The following DISP3 variants were observed in gnomAD, a reference collection of about 807,000 sequenced individuals.
The protein encoded by DISP3 is dispatched RND transporter family member 3.
DISP3 carries 101 observed loss-of-function variants against 135.3 expected under a neutral mutation model. The ratio of observed to expected loss-of-function variants is 0.75; its 90% CI spans 0.64 to 0.88. The LOEUF (loss-of-function observed/expected upper bound fraction) is 0.88, where lower values mean the gene tolerates loss of function less well. Ranked by LOEUF, DISP3 falls within the 40% of genes least tolerant of loss-of-function variation. DISP3 has a pLI of 0.00. For missense variants in DISP3, 1,713 were observed against 1,878.6 expected (o/e 0.91, Z 1.63); for synonymous variants, 856 against 817.0 (o/e 1.05, Z -0.81).
chr1:11,488,635 CTCTGTGTGTGTGTGTG>C (rs1459842605), intron 1 of DISP3, among the ~76,000 whole-genome samples: 1 of 83,878 alleles, frequency 1.2e-5, no homozygotes, highest in African/African-American at 4.7e-5. Context: ...AGGGCAGATG[CTCTGTGTGTGTGTGTG>C]TGTGTGTGTG....
intron 3 of DISP3, among the ~76,000 whole-genome samples, chr1:11,511,788 A>G (rs1047666559): frequency 1.3e-5 from 2 of 152,160 alleles, no homozygotes; most frequent in Non-Finnish European, 2.9e-5. Context: ...ATACTCCCCT[A>G]GCAGAGGTTC....
chr1:11,492,442 T>A (rs1257320733), intron 1 of DISP3, among the ~76,000 whole-genome samples: 2 of 152,190 alleles, frequency 1.3e-5, no homozygotes, highest in Admixed American at 6.5e-5. Context: ...CCTCACCAGC[T>A]GTCAGCCCCA....
In DISP3 at chr1:11,520,580, A is replaced by C. The variant is rs768939371; in HGVS notation, c.2201-107A>C. 4.6e-6 allele frequency: 6 copies of C among 1,294,422 alleles called. No individual in the cohort carries two copies. Among genetic ancestry groups the C allele is most frequent in the Non-Finnish European group, 2.1e-6 (2 of 935,580 alleles). 80.2% of individuals were successfully genotyped at this position (1,294,422 alleles called of 1,614,324 possible). A position where few individuals can be genotyped will look rare whatever the true frequency, so the allele number is the denominator to read the frequency against. ...GGGCCTTCCCCCGCACCCTTAGGAC[A>C]CCCGCCCCCCAACAACCAGAGCAGT... On this transcript the variant is annotated intron_variant, in intron 9 of 20. Transcript: ENST00000294484. This position sits in a 1 kb window ranked among gnomAD's most constrained non-coding sequence, Gnocchi z 4.8.
Position 11,531,096 on chromosome 1 carries a change from G to A in DISP3, c.3229+63G>A. 6.2e-7 allele frequency: 1 copy of A among 1,600,758 alleles called. No homozygotes were observed. Among genetic ancestry groups the A allele is most frequent in the East Asian group, 2.2e-5 (1 of 44,796 alleles). On this transcript the variant is annotated intron_variant, in intron 16 of 20. Coordinates refer to ENST00000294484, the MANE Select transcript of DISP3 (RefSeq NM_020780.2). This position sits in a 1 kb window ranked among gnomAD's most constrained non-coding sequence, Gnocchi z 5.2. ...GATGGACTGACTGGGGAGGCACAGA[G>A]GCCGTGGTCCAAGGTAGACAGCCCG...
rs1383955041 is a variant in DISP3, at chr1:11,529,539, C to T, written c.2799-17C>T. On this transcript the variant is annotated splice_polypyrimidine_tract_variant and intron_variant, in intron 13 of 20. Transcript: ENST00000294484. The surrounding 1 kb of genome is among the most constrained non-coding windows in gnomAD (Gnocchi z 4.7). ...CTAGCCTTTCCGGCCTCAGCCCAGC[C>T]TCCATTCCCTCCACAGGAAGCTGTA... is the stretch of plus-strand genomic sequence containing the variant. 6.5e-7 allele frequency: 1 copy of T among 1,542,576 alleles called. No individual in the cohort carries two copies.
intron 3 of DISP3, among the ~76,000 whole-genome samples, chr1:11,503,184 C>T (rs978297892): frequency 6.6e-6 from 1 of 152,094 alleles, no homozygotes; most frequent in Non-Finnish European, 1.5e-5. Flanking sequence ...AGATGGTGCT[C>T]GAGGTCTTTC....
rs754489621 is a variant in DISP3 at position 11,536,635 on chromosome 1, G to A, written c.4128G>A (p.Val1376=). The change falls in exon 21 of 21, where the codon GTG becomes GTA. Residue 1376 remains valine, a synonymous_variant. Coordinates refer to ENST00000294484, the MANE Select transcript of DISP3 (RefSeq NM_020780.2). This position sits in a 1 kb window ranked among gnomAD's most constrained non-coding sequence, Gnocchi z 4.3. ...AGALGLGACL[V]LLQSGYKIPL... ...CCCTGGGGCTGGGTGCCTGCCTCGT[G>A]CTCCTGCAGAGCGGCTATAAGATTC... 4 of 1,603,566 alleles carry A rather than the reference G, an allele frequency of 2.5e-6. No individual in the cohort carries two copies. Among genetic ancestry groups the A allele is most frequent in the Middle Eastern group, 1.6e-4 (1 of 6,072 alleles).
In DISP3 at chr1:11,520,829, C is replaced by A. The variant is rs369463104; in HGVS notation, c.2343C>A (p.Ile781=). Residue 781 remains isoleucine, a synonymous_variant, in exon 10 of 21, where the codon ATC becomes ATA. Coordinates refer to ENST00000294484, the MANE Select transcript of DISP3 (RefSeq NM_020780.2). The surrounding 1 kb of genome is among the most constrained non-coding windows in gnomAD (Gnocchi z 4.8). The stretch of plus-strand genomic sequence containing the variant: ...AGTACAACCTGAGCGCCGAGGGCAT[C>A]TCCTGCATCACCTGTTCAGGTGAGG... ...DLKYNLSAEG[I]SCITCSGLFQ... 1.2e-6 allele frequency: 2 copies of A among 1,608,676 alleles called. No individual in the cohort carries two copies. The highest frequency in any genetic ancestry group is 1.7e-5 in the Admixed American group (1 of 59,316).
intron 19 of DISP3, 112 bp from the exon 20 acceptor site, chr1:11,535,366 T>C: frequency 7.1e-7 from 1 of 1,417,386 alleles, no homozygotes; most frequent in Non-Finnish European, 9.5e-7. Context: ...CCCCTCGGTG[T>C]GCCTTGTTTC....
intron 3 of DISP3, among the ~76,000 whole-genome samples, chr1:11,506,437 T>C (rs141403854): frequency 3.7e-4 from 57 of 152,276 alleles, no homozygotes; most frequent in African/African-American, 1.2e-3. Context: ...GTTTTATTTT[T>C]TTATTTTTTT....
rs1641511800 is a variant in DISP3 at position 11,501,405 on chromosome 1, G to A, written c.413G>A (p.Arg138His). 6.3e-7 allele frequency: 1 copy of A among 1,597,838 alleles called. No homozygotes were observed. Among genetic ancestry groups the A allele is most frequent in the Non-Finnish European group, 8.5e-7 (1 of 1,172,474 alleles). ...SQFGSWGRNR[R>H]DLADFTSETL... The stretch of plus-strand genomic sequence containing the variant: ...TTTGGATCCTGGGGGCGGAACCGGC[G>A]CGATTTGGCCGACTTCACCTCCGAG... The change falls in exon 2 of 21, where the codon CGC becomes CAC. Residue 138 changes from arginine to histidine, a missense_variant. Transcript: ENST00000294484. This position sits in a 1 kb window ranked among gnomAD's most constrained non-coding sequence, Gnocchi z 4.9.
chr1:11,520,683 A>T lies in DISP3; in HGVS notation c.2201-4A>T, dbSNP rs560381310. The T allele has an allele frequency of 8.7e-6, 14 of 1,612,480 alleles. No homozygotes were observed. The African/African-American group carries it at 1.6e-4, about 18-fold the overall frequency. On this transcript the variant is annotated splice_polypyrimidine_tract_variant and splice_region_variant and intron_variant, in intron 9 of 20. Coordinates refer to ENST00000294484, the MANE Select transcript of DISP3 (RefSeq NM_020780.2). The surrounding 1 kb of genome is among the most constrained non-coding windows in gnomAD (Gnocchi z 4.8). ...CCGCCTGGTGTAGCGCCCTTTCCTC[A>T]CAGGGCTGTTCGTCTCCATCCTCAT...
chr1:11,536,834 G>T lies in DISP3; in HGVS notation c.*148G>T. The T allele has an allele frequency of 3.7e-6, 4 of 1,077,104 alleles. No homozygotes were observed. The highest frequency in any genetic ancestry group is 5.2e-6 in the Non-Finnish European group (4 of 776,396). The allele number at this position is 1,077,104 out of a possible 1,614,324, so 66.7% of individuals were successfully genotyped here. Reference sequence around the variant, plus strand: ...CGTGGAGGCTGACACCCACACAGATGGTGTGGACCATGCTGCCTTGTGGAG... The same window carrying T: ...CGTGGAGGCTGACACCCACACAGATTGTGTGGACCATGCTGCCTTGTGGAG... On this transcript the variant is annotated 3_prime_UTR_variant, in exon 21 of 21. Transcript: ENST00000294484. This position sits in a 1 kb window ranked among gnomAD's most constrained non-coding sequence, Gnocchi z 4.3.
intron 17 of DISP3, among the ~76,000 whole-genome samples, chr1:11,533,316 C>T (rs973195900): frequency 6.9e-5 from 10 of 144,896 alleles, no homozygotes; most frequent in South Asian, 2.2e-4. Context: ...AGTGCAGTTG[C>T]GCAATCTTGG....
At position 11,531,210 on chromosome 1, in the gene DISP3, C is replaced by T. The variant is rs1216595801; in HGVS notation, c.3229+177C>T. ...CCAGGGTGGGGTGTGTGCCGGCAGT[C>T]GAGGGTTTTTGGATGTGAGCAGGCT... On this transcript the variant is annotated intron_variant, in intron 16 of 20. Transcript: ENST00000294484. This position sits in a 1 kb window ranked among gnomAD's most constrained non-coding sequence, Gnocchi z 5.2. 3.3e-5 allele frequency among the ~76,000 whole-genome samples: 5 copies of T among 152,018 alleles called. No homozygotes were observed. The highest frequency in any genetic ancestry group is 3.3e-4 in the Admixed American group (5 of 15,266).
intron 1 of DISP3, among the ~76,000 whole-genome samples, chr1:11,495,852 G>A (rs754951124): frequency 5.3e-5 from 8 of 152,046 alleles, no homozygotes; most frequent in African/African-American, 9.7e-5. Flanking sequence ...TTCTCTCCTC[G>A]GAGGGCAGAG....
rs552312526 is a variant in DISP3 at position 11,535,454 on chromosome 1, GC to G, written c.3650-17del. On this transcript the variant is annotated intron_variant, in intron 19 of 20. Transcript: ENST00000294484. ...GCCTCCAGGGCGGGGGATCCGAGCTGCCCCCCCTGCTGTCTCCTTGCAGGCA... is the reference window on the plus strand; with the variant it reads ...GCCTCCAGGGCGGGGGATCCGAGCTGCCCCCCTGCTGTCTCCTTGCAGGCA... 4.1e-4 allele frequency: 653 copies of G among 1,586,666 alleles called. 4 individuals carry two copies. The Admixed American group carries it at 9.6e-3, about 23-fold the overall frequency.
intron 1 of DISP3, among the ~76,000 whole-genome samples, chr1:11,484,317 C>T (rs1255584575): frequency 2.6e-5 from 4 of 152,182 alleles, no homozygotes; most frequent in South Asian, 2.1e-4. Context: ...AGCAGAGCCC[C>T]GCTGGCTGGT....
chr1:11,531,649 C>A lies in DISP3; in HGVS notation c.3314C>A (p.Ser1105Tyr). 1.2e-6 allele frequency: 2 copies of A among 1,613,218 alleles called. No homozygotes were observed. Reference protein sequence around the residue: ...PEPNLLPGQLSHGAVGVREGR... With the variant: ...PEPNLLPGQLYHGAVGVREGR... ...CCCAACCTGCTCCCGGGGCAGCTGTCCCACGGGGCAGTGGGCGTCAGGGAG... is the reference window on the plus strand; with the variant it reads ...CCCAACCTGCTCCCGGGGCAGCTGTACCACGGGGCAGTGGGCGTCAGGGAG... The change falls in exon 17 of 21, where the codon TCC (serine) becomes TAC (tyrosine). Residue 1105 changes from serine (S) to tyrosine (Y), a missense_variant. This residue lies in a region of DISP3 where 1,142 missense variants were observed against 1,384.6 expected (regional missense o/e 0.82). Coordinates refer to ENST00000294484, the MANE Select transcript of DISP3 (RefSeq NM_020780.2). This position sits in a 1 kb window ranked among gnomAD's most constrained non-coding sequence, Gnocchi z 5.2.
Sources: gnomAD v4.1 joint callset for allele counts (sites outside exome capture counted in the v4.1 genomes callset) on GRCh38, gnomAD v4.1.1 for gene constraint, gnomAD v4.1.1 regional missense constraint, Gnocchi (gnomAD v3.1) non-coding constraint, MANE v1.5 for transcripts, NCBI Gene and HGNC (gene_info 2026-07-23, HGNC 2026-07-21) for gene names.